TTC17: variants seen among roughly 807,000 people sequenced by gnomAD.
The protein encoded by TTC17 is tetratricopeptide repeat protein 17.
TTC17 carries 58 observed loss-of-function variants against 143.8 expected under a neutral mutation model. That is an observed-to-expected ratio of 0.40 (90% CI 0.33 to 0.50). TTC17 has a LOEUF of 0.50. Among genes scored for constraint, TTC17 ranks in the 20% least tolerant of loss-of-function variants. TTC17 has a pLI of 0.49. For missense variants in TTC17, 1,273 were observed against 1,392.5 expected (o/e 0.91, Z 1.37); for synonymous variants, 501 against 497.8 (o/e 1.01, Z -0.09).
rs1475911830 is a variant in TTC17 at position 43,407,287 on chromosome 11, T to A, written c.1840-66T>A. 6 of 1,570,826 alleles carry A rather than the reference T, an allele frequency of 3.8e-6. No homozygotes were observed. The Admixed American group carries it at 1.1e-4, about 29-fold the overall frequency. On this transcript the variant is annotated intron_variant, in intron 14 of 23. Transcript: ENST00000039989. ...ATAAGTAAAAGTTAAAATGCACTTATTAAAAATCTTATTTAGAACAAGTAC... is the reference window on the plus strand; with the variant it reads ...ATAAGTAAAAGTTAAAATGCACTTAATAAAAATCTTATTTAGAACAAGTAC...
rs1291379199 is a variant in TTC17 at position 43,414,648 on chromosome 11, C to T, written c.2123C>T (p.Ala708Val). The part of the protein sequence containing the change: ...AYLALKNISG[A>V]LEAFRQALKL... ...CTTGCTCTGAAGAATATCAGTGGGG[C>T]ACTTGAGGCCTTTAGACAGGCCTTG... The change falls in exon 16 of 24, where the codon GCA becomes GTA. Residue 708 changes from alanine (A) to valine (V), a missense_variant. Physicochemically the swap from Ala to Val is moderately conservative, Grantham distance 64. Transcript: ENST00000039989. The T allele has an allele frequency of 6.2e-7, 1 of 1,613,576 alleles. No homozygotes were observed. Among genetic ancestry groups the T allele is most frequent in the Admixed American group, 1.7e-5 (1 of 59,940 alleles).
At chr11:43,422,627 G>A (rs1276744250) in intron 16 of TTC17, among the ~76,000 whole-genome samples, 1 of 152,166 alleles carries the variant, frequency 6.6e-6, no homozygotes, top group Non-Finnish European at 1.5e-5. Flanking sequence ...CACAAGCCAA[G>A]TGAAGAAAAT....
intron 16 of TTC17, among the ~76,000 whole-genome samples, chr11:43,430,075 CTT>C (rs924076487): frequency 6.6e-6 from 1 of 152,266 alleles, no homozygotes; most frequent in African/African-American, 2.4e-5. Flanking sequence ...GGGAATATAA[CTT>C]ATATTTACTG....
intron 1 of TTC17, among the ~76,000 whole-genome samples, chr11:43,362,970 T>C (rs1239617372): frequency 6.6e-6 from 1 of 152,198 alleles, no homozygotes; most frequent in Non-Finnish European, 1.5e-5. Context: ...CTCTCCGCTC[T>C]GTGCTGTTTT....
At chr11:43,445,863 A>G (rs938091390) in intron 18 of TTC17, 5 of 763,748 alleles carry the variant, frequency 6.5e-6, no homozygotes, top group African/African-American at 3.4e-5. Context: ...GAGATCATTA[A>G]GAGCCATTGT....
intron 21 of TTC17, among the ~76,000 whole-genome samples, chr11:43,471,952 A>G (rs554946799): frequency 2.0e-5 from 3 of 152,224 alleles, no homozygotes; most frequent in African/African-American, 7.2e-5. Context: ...TAAAAGGACT[A>G]AGTACTTCAG....
At chr11:43,408,654 A>G (rs917196128) in intron 15 of TTC17, among the ~76,000 whole-genome samples, 1 of 152,258 alleles carries the variant, frequency 6.6e-6, no homozygotes, top group Admixed American at 6.5e-5. Context: ...TTTTAAAATC[A>G]TACTAAAATT....
chr11:43,404,765 C>G (rs1440032366), intron 11 of TTC17, among the ~76,000 whole-genome samples: 1 of 150,794 alleles, frequency 6.6e-6, no homozygotes, highest in East Asian at 1.9e-4. Flanking sequence ...ATATAAATCC[C>G]TCAAAGTTTG....
chr11:43,396,685 T>G, intron 5 of TTC17, 24 bp from the exon 6 acceptor site: 3 of 1,429,050 alleles, frequency 2.1e-6, no homozygotes, highest in Non-Finnish European at 2.9e-6. Flanking sequence ...GTCGTGTTTG[T>G]AATTTTACTT....
At chr11:43,421,751 G>T (rs1179226250) in intron 16 of TTC17, among the ~76,000 whole-genome samples, 1 of 150,494 alleles carries the variant, frequency 6.6e-6, no homozygotes, top group Non-Finnish European at 1.5e-5. Flanking sequence ...ACATTGTGGT[G>T]AGTTGTATAA....
intron 8 of TTC17, among the ~76,000 whole-genome samples, chr11:43,398,565 G>A (rs1444602371): frequency 1.3e-5 from 2 of 152,146 alleles, no homozygotes; most frequent in Admixed American, 1.3e-4. Flanking sequence ...TTATTGTTAA[G>A]GTAGTTAAAT....
At chr11:43,453,069 G>A (rs1947694402) in intron 21 of TTC17, among the ~76,000 whole-genome samples, 1 of 152,146 alleles carries the variant, frequency 6.6e-6, no homozygotes, top group South Asian at 2.1e-4. Flanking sequence ...CAGGTCAGTA[G>A]TAGAAAAATT....
chr11:43,446,131 C>A, intron 18 of TTC17: 1 of 1,378,656 alleles, frequency 7.3e-7, no homozygotes, highest in East Asian at 2.6e-5. Context: ...CTCTGTGTAC[C>A]CTTCAACACC....
rs191402080 is a variant in TTC17 at position 43,475,019 on chromosome 11, G to A, written c.3031-15220G>A. 5.8e-4 allele frequency among the ~76,000 whole-genome samples: 89 copies of A among 152,190 alleles called. 1 individual carries two copies. Among genetic ancestry groups the A allele is most frequent in the Admixed American group, 2.1e-3 (32 of 15,286 alleles). On this transcript the variant is annotated intron_variant, in intron 21 of 23. Coordinates refer to ENST00000039989, the MANE Select transcript of TTC17 (RefSeq NM_018259.6). ...GGGTATTAGAGGCACAAGAAGTGAAGGAGATGGAAGGGGAGGCAGGAGAGG... is the reference window on the plus strand; with the variant it reads ...GGGTATTAGAGGCACAAGAAGTGAAAGAGATGGAAGGGGAGGCAGGAGAGG...
At chr11:43,452,237 C>T (rs897474670) in intron 21 of TTC17, among the ~76,000 whole-genome samples, 4 of 152,210 alleles carry the variant, frequency 2.6e-5, no homozygotes, top group Non-Finnish European at 5.9e-5. Flanking sequence ...CGGTGGCTCA[C>T]ACCTGTAATC....
At chr11:43,419,150 T>TA (rs56137951) in intron 16 of TTC17, among the ~76,000 whole-genome samples, 2,645 of 152,282 alleles carry the variant, frequency 0.017, 39 homozygotes, top group Non-Finnish European at 0.022. Context: ...CACGCCTACT[T>TA]AAAAAAATTG....
chr11:43,449,777 G>A (rs1001579598), intron 19 of TTC17: 8 of 260,028 alleles, frequency 3.1e-5, no homozygotes, highest in African/African-American at 1.1e-4. Flanking sequence ...TACAATGTAC[G>A]GCTGTATCTC....
intron 21 of TTC17, among the ~76,000 whole-genome samples, chr11:43,478,966 C>T (rs912347530): frequency 6.6e-6 from 1 of 152,124 alleles, no homozygotes; most frequent in Non-Finnish European, 1.5e-5. Flanking sequence ...CCAGGCCGGG[C>T]GTGGTGGCTC....
At chr11:43,475,473 C>T (rs1948168618) in intron 21 of TTC17, among the ~76,000 whole-genome samples, 2 of 152,160 alleles carry the variant, frequency 1.3e-5, no homozygotes, top group African/African-American at 4.8e-5. Flanking sequence ...GCTGGGACTA[C>T]AGGCATGTGC....
Sources: gnomAD v4.1 joint callset for allele counts (sites outside exome capture counted in the v4.1 genomes callset) on GRCh38, gnomAD v4.1.1 for gene constraint, MANE v1.5 for transcripts, NCBI Gene and HGNC (gene_info 2026-07-23, HGNC 2026-07-21) for gene names.